The following MAP4K4 variants were observed in gnomAD, a reference collection of about 807,000 sequenced individuals.
MAP4K4 encodes the protein HPK/GCK-like kinase HGK.
Under a neutral mutation model 189.6 loss-of-function variants are expected in MAP4K4, and 38 were observed. The observed-to-expected ratio is 0.20, with a 90% CI of 0.15 to 0.26. The LOEUF (loss-of-function observed/expected upper bound fraction) is 0.26. Ranked by LOEUF, MAP4K4 falls within the 10% of genes least tolerant of loss-of-function variation. The pLI, the probability that MAP4K4 is intolerant of heterozygous loss-of-function variation, is 1.00. For missense variants in MAP4K4, 1,054 were observed against 1,726.9 expected (o/e 0.61, Z 6.91); for synonymous variants, 610 against 624.3 (o/e 0.98, Z 0.34).
chr2:101,847,047 C>T (rs80253696), intron 12 of MAP4K4, among the ~76,000 whole-genome samples: 9 of 152,228 alleles, frequency 5.9e-5, no homozygotes, highest in Admixed American at 1.3e-4. Flanking sequence ...TGCATAACAA[C>T]GTTTTGGTCA....
At chr2:101,700,204 G>C (rs1415695471) in intron 2 of MAP4K4, among the ~76,000 whole-genome samples, 1 of 152,216 alleles carries the variant, frequency 6.6e-6, no homozygotes, top group Non-Finnish European at 1.5e-5. Context: ...AGAAAGGAAA[G>C]AATGAAACCC....
intron 2 of MAP4K4, among the ~76,000 whole-genome samples, chr2:101,737,462 T>TATATATATATATA (rs1553406708): frequency 2.6e-4 from 6 of 22,788 alleles, no homozygotes; most frequent in African/African-American, 4.8e-4. Context: ...TATATATATA[T>TATATATATATATA]TTTTTTTTTT....
intron 2 of MAP4K4, among the ~76,000 whole-genome samples, chr2:101,762,065 G>A (rs2076714189): frequency 6.6e-6 from 1 of 152,172 alleles, no homozygotes; most frequent in African/African-American, 2.4e-5. Context: ...TGAAAAAATA[G>A]AACCGGGAGT....
chr2:101,858,949 G>A (rs760522599), intron 13 of MAP4K4, 47 bp from the exon 14 acceptor site: 2 of 1,454,156 alleles, frequency 1.4e-6, no homozygotes, highest in Non-Finnish European at 1.9e-6. Context: ...TGGTTCTGAT[G>A]CTTTTCTTTG....
chr2:101,809,357 T>G (rs539736298), intron 3 of MAP4K4, among the ~76,000 whole-genome samples: 1 of 152,192 alleles, frequency 6.6e-6, no homozygotes, highest in East Asian at 1.9e-4. Flanking sequence ...CTTAGTTTTT[T>G]TTTTTGTTGT....
At chr2:101,883,259 C>T (rs1229571915) in intron 28 of MAP4K4, among the ~76,000 whole-genome samples, 1 of 152,168 alleles carries the variant, frequency 6.6e-6, no homozygotes, top group Non-Finnish European at 1.5e-5. Context: ...TGTTTTATGG[C>T]AATTGTATTG....
At chr2:101,844,643 T>C (rs1402932048) in intron 12 of MAP4K4, among the ~76,000 whole-genome samples, 1 of 152,248 alleles carries the variant, frequency 6.6e-6, no homozygotes, top group Non-Finnish European at 1.5e-5. Flanking sequence ...ATGGTTTAAG[T>C]TGGCTTGCTC....
chr2:101,709,075 C>T (rs2043992133), intron 2 of MAP4K4, among the ~76,000 whole-genome samples: 1 of 152,162 alleles, frequency 6.6e-6, no homozygotes, highest in South Asian at 2.1e-4. Context: ...TCTTGTTTCC[C>T]TTTAGTGTAA....
intron 29 of MAP4K4, among the ~76,000 whole-genome samples, chr2:101,885,500 G>T (rs2098467493): frequency 6.6e-6 from 1 of 152,244 alleles, no homozygotes; most frequent in Non-Finnish European, 1.5e-5. Flanking sequence ...AGAGATAAAT[G>T]TTGGGTAGAC....
At chr2:101,866,434 T>C (rs1390825252) in exon 19 of MAP4K4, 3 of 1,611,760 alleles carry the variant, frequency 1.9e-6, no homozygotes, top group Non-Finnish European at 2.5e-6. Flanking sequence ...ACAGCAGTAT[T>C]GAGCCCAGGC....
At chr2:101,862,766 C>CT (rs2097705131) in intron 16 of MAP4K4, among the ~76,000 whole-genome samples, 1 of 152,128 alleles carries the variant, frequency 6.6e-6, no homozygotes, top group Non-Finnish European at 1.5e-5. Flanking sequence ...CTCTGAAAAT[C>CT]TTAAACATTT....
At chr2:101,706,170 T>C (rs2042209917) in intron 2 of MAP4K4, among the ~76,000 whole-genome samples, 1 of 152,232 alleles carries the variant, frequency 6.6e-6, no homozygotes, top group East Asian at 1.9e-4. Context: ...TGCTTTTAGC[T>C]GCTACATCTG....
intron 23 of MAP4K4, 142 bp from the exon 24 acceptor site, chr2:101,871,352 A>C (rs1376985109): frequency 1.7e-6 from 1 of 596,142 alleles, no homozygotes; most frequent in Non-Finnish European, 2.8e-6. Flanking sequence ...AAGTGTGAGC[A>C]GTTCAGGCTA....
chr2:101,798,018 A>G (rs1417541373), intron 3 of MAP4K4, among the ~76,000 whole-genome samples: 1 of 149,688 alleles, frequency 6.7e-6, no homozygotes, highest in African/African-American at 2.5e-5. Flanking sequence ...TCCTAGACTC[A>G]AATGATCCCC....
At chr2:101,728,152 T>A (rs2056579236) in intron 2 of MAP4K4, among the ~76,000 whole-genome samples, 1 of 152,180 alleles carries the variant, frequency 6.6e-6, no homozygotes, top group Admixed American at 6.5e-5. Flanking sequence ...AGAATGCTCT[T>A]GAAGCGTGGA....
chr2:101,789,565 C>T (rs2092472913), intron 2 of MAP4K4, among the ~76,000 whole-genome samples: 1 of 152,156 alleles, frequency 6.6e-6, no homozygotes, highest in African/African-American at 2.4e-5. Flanking sequence ...TTGCTTTGTC[C>T]AAGTTGTAAC....
chr2:101,873,541 A>G (rs2098115943), intron 24 of MAP4K4, 106 bp from the exon 25 acceptor site: 2 of 657,688 alleles, frequency 3.0e-6, no homozygotes, highest in African/African-American at 1.8e-5. Context: ...CAAATAGAGC[A>G]AAGTATTGGG....
chr2:101,837,586 C>T (rs967326104), intron 9 of MAP4K4, among the ~76,000 whole-genome samples: 26 of 152,094 alleles, frequency 1.7e-4, no homozygotes, highest in African/African-American at 5.6e-4. Context: ...CGGGTGGCCA[C>T]GCCTAGGGAA....
rs1000063305 is a variant in MAP4K4 at position 101,860,714 on chromosome 2, A to C, written c.1705-111A>C. The stretch of plus-strand genomic sequence containing the variant: ...AGCTACCCCTCTCTTTTCTGGTAGC[A>C]GAAGAAAACAGAAAACTTACCTTTA... On this transcript the variant is annotated intron_variant, in intron 15 of 32. Transcript: ENST00000324219. 19 of 869,110 alleles carry C rather than the reference A, an allele frequency of 2.2e-5. No individual in the cohort carries two copies. In the African/African-American group the frequency reaches 2.9e-4, roughly 13 times the overall value. The allele number at this position is 869,110 out of a possible 1,614,324, so 53.8% of individuals were successfully genotyped here. A position where few individuals can be genotyped will look rare whatever the true frequency, so the allele number is the denominator to read the frequency against.
Sources: gnomAD v4.1 joint callset for allele counts (sites outside exome capture counted in the v4.1 genomes callset) on GRCh38, gnomAD v4.1.1 for gene constraint, MANE v1.5 for transcripts, NCBI Gene and HGNC (gene_info 2026-07-23, HGNC 2026-07-21) for gene names.